EMID1: variants seen among roughly 807,000 people sequenced by gnomAD.
EMID1 encodes EMI domain-containing protein 1.
EMID1 carries 40 observed loss-of-function variants against 60.6 expected under a neutral mutation model. The observed-to-expected ratio is 0.66, with a 90% CI of 0.51 to 0.86. EMID1 has a LOEUF of 0.86. EMID1 is among the 40% of genes least tolerant of loss of function. The pLI is 0.00. For synonymous variants in EMID1, 242 were observed against 231.0 expected, an observed-to-expected ratio of 1.05 and a Z score of -0.43; for missense variants, 585 against 597.1, an observed-to-expected ratio of 0.98 and a Z score of 0.21.
At chr22:29,258,458 A>G (rs1412191728) in intron 14 of EMID1, among the ~76,000 whole-genome samples, 2 of 152,168 alleles carry the variant, frequency 1.3e-5, no homozygotes, top group African/African-American at 4.8e-5. Context: ...CAGCTACCAA[A>G]TGGGGATGAC....
Position 29,238,608 on chromosome 22 carries a change from AG to A in EMID1, c.1074+4262del, listed in dbSNP as rs1380182237. On this transcript the variant is annotated intron_variant, in intron 12 of 14. Coordinates refer to ENST00000334018, the MANE Select transcript of EMID1 (RefSeq NM_133455.4). ...AATTTTTTGTATTTTTAGTAGAGAC[AG>A]GGTTTCACCATGTTGGCCAGGCTGG... Among the ~76,000 whole-genome samples the A allele has an allele frequency of 1.4e-5, 2 of 143,538 alleles. 1 individual carries two copies. The highest frequency in any genetic ancestry group is 5.5e-5 in the African/African-American group (2 of 36,240). 94.2% of individuals were successfully genotyped at this position (143,538 alleles called of 152,430 possible).
At chr22:29,234,539 T>G (rs968399870) in intron 12 of EMID1, among the ~76,000 whole-genome samples, 190 bp downstream of exon 12, 1 of 152,154 alleles carries the variant, frequency 6.6e-6, no homozygotes, top group Non-Finnish European at 1.5e-5. Context: ...TCACTCTGGC[T>G]CTCTGTTTCT....
At chr22:29,215,471 G>A (rs2040047771) in intron 2 of EMID1, 56 bp from the exon 3 acceptor site, 1 of 1,539,732 alleles carries the variant, frequency 6.5e-7, no homozygotes, top group African/African-American at 1.4e-5. Context: ...GTCCAGGGCA[G>A]TGGGAGAGGT....
chr22:29,232,236 T>C lies in EMID1; in HGVS notation c.677-20T>C. On this transcript the variant is annotated intron_variant, in intron 7 of 14. Coordinates refer to ENST00000334018, the MANE Select transcript of EMID1 (RefSeq NM_133455.4). ...TCCTTGCCTCCTGTATACCCACAAA[T>C]CCGTGTGATTCCATTGCAGGTCCAC... The C allele has an allele frequency of 6.2e-7, 1 of 1,611,222 alleles. No homozygotes were observed. The highest frequency in any genetic ancestry group is 8.5e-7 in the Non-Finnish European group (1 of 1,179,552).
rs779230321 is a variant in EMID1, at chr22:29,254,300, A to AGACAGACG, written c.1204+23_1204+30dup. On this transcript the variant is annotated intron_variant, in intron 14 of 14. Transcript: ENST00000334018. ...ATTGGGCTCTATGGTGAGTAGAGACAGACAGACGGACAGACGGCCCAGCCC... is the reference window on the plus strand; with the variant it reads ...ATTGGGCTCTATGGTGAGTAGAGACAGACAGACGGACAGACGGACAGACGGCCCAGCCC... The AGACAGACG allele has an allele frequency of 8.1e-6, 13 of 1,612,176 alleles. No homozygotes were observed. Among genetic ancestry groups the AGACAGACG allele is most frequent in the South Asian group, 2.2e-5 (2 of 91,052 alleles).
At position 29,215,099 on chromosome 22, in the gene EMID1, G is replaced by T. The variant is rs536388192; in HGVS notation, c.215+60G>T. 7.4e-6 allele frequency: 11 copies of T among 1,483,898 alleles called. No individual in the cohort carries two copies. The South Asian group carries it at 1.4e-4, about 18-fold the overall frequency. 91.9% of individuals were successfully genotyped at this position (1,483,898 alleles called of 1,614,324 possible). A position where few individuals can be genotyped will look rare whatever the true frequency, so the allele number is the denominator to read the frequency against. On this transcript the variant is annotated intron_variant, in intron 2 of 14. Transcript: ENST00000334018. ...AGGTGGAGGCACAGTTTGGGCAAAG[G>T]CCTGGTTGGGGGACTGCATGGGGAG...
intron 3 of EMID1, among the ~76,000 whole-genome samples, chr22:29,218,129 GA>G (rs1386509903): frequency 1.3e-5 from 2 of 152,252 alleles, no homozygotes; most frequent in Admixed American, 6.5e-5. Context: ...GCTCATGGTA[GA>G]TGCTCCGCAA....
intron 3 of EMID1, among the ~76,000 whole-genome samples, chr22:29,224,729 G>A (rs2040434805): frequency 6.6e-6 from 1 of 152,246 alleles, no homozygotes; most frequent in African/African-American, 2.4e-5. Context: ...CCTCACCCCA[G>A]CCTGGGAGGT....
At chr22:29,251,955 C>G (rs2041543207) in intron 13 of EMID1, among the ~76,000 whole-genome samples, 1 of 152,130 alleles carries the variant, frequency 6.6e-6, no homozygotes, top group African/African-American at 2.4e-5. Flanking sequence ...GATTACAGGA[C>G]AGCTACCGTG....
chr22:29,229,093 G>A (rs1016532197), intron 5 of EMID1, among the ~76,000 whole-genome samples: 1 of 152,124 alleles, frequency 6.6e-6, no homozygotes, highest in Non-Finnish European at 1.5e-5. Flanking sequence ...TGTAATCCCA[G>A]CACTTTGGAA....
At chr22:29,234,500 CT>C in intron 12 of EMID1, 151 bp downstream of exon 12, 1 of 926,888 alleles carries the variant, frequency 1.1e-6, no homozygotes, top group East Asian at 2.7e-5. Flanking sequence ...ACTCATTGTC[CT>C]CTTTGGATTA....
chr22:29,213,878 A>T (rs2039984926), intron 1 of EMID1, among the ~76,000 whole-genome samples: 1 of 152,154 alleles, frequency 6.6e-6, no homozygotes, highest in Non-Finnish European at 1.5e-5. Context: ...ATGGCGTCAG[A>T]GGCTGGGCTA....
intron 10 of EMID1, 37 bp from the exon 11 acceptor site, chr22:29,234,100 C>T: frequency 6.4e-7 from 1 of 1,557,384 alleles, no homozygotes; most frequent in Non-Finnish European, 8.7e-7. Context: ...CTCCATCCTG[C>T]CCCAACACAA....
At chr22:29,258,143 C>T (rs1228410391) in intron 14 of EMID1, among the ~76,000 whole-genome samples, 3 of 152,188 alleles carry the variant, frequency 2.0e-5, no homozygotes, top group Non-Finnish European at 2.9e-5. Context: ...GTGTCCATCT[C>T]CCCCTAGAAA....
intron 4 of EMID1, 37 bp from the exon 5 acceptor site, chr22:29,226,452 AC>A (rs1398450389): frequency 1.2e-6 from 2 of 1,602,890 alleles, no homozygotes; most frequent in Non-Finnish European, 1.7e-6. Context: ...GAAGCCTAGG[AC>A]CCTTGGCCCT....
chr22:29,218,023 C>T (rs2040149268), intron 3 of EMID1, among the ~76,000 whole-genome samples: 1 of 152,216 alleles, frequency 6.6e-6, no homozygotes, highest in Admixed American at 6.5e-5. Context: ...AAATCAGCTG[C>T]ACTCTGCTGT....
chr22:29,244,620 CG>C (rs967288706), intron 13 of EMID1, among the ~76,000 whole-genome samples: 38 of 144,224 alleles, frequency 2.6e-4, no homozygotes, highest in African/African-American at 9.2e-4. Flanking sequence ...GCCTGGGCGA[CG>C]GAACGAGACT....
At chr22:29,257,966 G>A (rs1004582644) in intron 14 of EMID1, among the ~76,000 whole-genome samples, 3 of 152,200 alleles carry the variant, frequency 2.0e-5, no homozygotes, top group African/African-American at 7.2e-5. Flanking sequence ...GCCCAGAGGT[G>A]CAGGGCAGGC....
In EMID1 at chr22:29,255,239, C is replaced by T. The variant is rs530696709; in HGVS notation, c.1204+952C>T. 1.2e-4 allele frequency: 143 copies of T among 1,216,100 alleles called. No individual in the cohort carries two copies. The East Asian group carries it at 4.5e-3, about 38-fold the overall frequency. 75.3% of individuals were successfully genotyped at this position (1,216,100 alleles called of 1,614,324 possible). A position where few individuals can be genotyped will look rare whatever the true frequency, so the allele number is the denominator to read the frequency against. On this transcript the variant is annotated intron_variant, in intron 14 of 14. Transcript: ENST00000334018. ...CAGCCCAGCCCTCGGAGGCCAGACT[C>T]GCACCGTCTGCTCTTCTCCATCTCC...
Sources: allele counts gnomAD v4.1 joint callset (sites outside exome capture counted in the v4.1 genomes callset), GRCh38; gene constraint gnomAD v4.1.1; transcripts MANE v1.5; gene names NCBI Gene and HGNC (gene_info 2026-07-23, HGNC 2026-07-21).